Variants in TAF6L observed in about 807,000 individuals in gnomAD.
The protein encoded by TAF6L is TATA-box binding protein associated factor 6 like, also known as TAF6-like RNA polymerase II p300/CBP-associated factor-associated factor 65 kDa subunit 6L.
TAF6L carries 34 observed loss-of-function variants against 57.3 expected under a neutral mutation model. That is an observed-to-expected ratio of 0.59 (90% CI 0.45 to 0.79). The LOEUF is 0.79. Among genes scored for constraint, TAF6L ranks in the 30% least tolerant of loss-of-function variants. The probability of loss-of-function intolerance (pLI) is 0.00; values close to 1 mark genes in which losing one functional copy is unlikely to be tolerated. For missense variants in TAF6L, 782 were observed against 853.2 expected (o/e 0.92, Z 1.04); for synonymous variants, 417 against 376.3 (o/e 1.11, Z -1.25).
intron 8 of TAF6L, 133 bp from the exon 9 acceptor site, chr11:62,782,560 C>A: frequency 7.4e-7 from 1 of 1,357,026 alleles, no homozygotes; most frequent in Non-Finnish European, 1.0e-6. Flanking sequence ...CCAGTCACCC[C>A]TGGCAGCCTT....
intron 6 of TAF6L, among the ~76,000 whole-genome samples, chr11:62,779,385 C>T (rs1357788647): frequency 6.6e-6 from 1 of 151,916 alleles, no homozygotes; most frequent in Non-Finnish European, 1.5e-5. Flanking sequence ...TTAGTAGAGA[C>T]GGGGTTTCAC....
In TAF6L at chr11:62,786,253, C is replaced by T. The variant is rs771164669; in HGVS notation, c.961-7C>T. 3 of 1,609,222 alleles carry T rather than the reference C, an allele frequency of 1.9e-6. No homozygotes were observed. The highest frequency in any genetic ancestry group is 3.3e-5 in the Admixed American group (2 of 59,906). ...CATGCTAACTGTATTCCTTCTCTTC[C>T]TTCCAGGCAGTAGAACGAGTCCTGT... On this transcript the variant is annotated splice_region_variant and splice_polypyrimidine_tract_variant and intron_variant, in intron 9 of 10. Transcript: ENST00000294168.
chr11:62,787,046 G>T lies in TAF6L; in HGVS notation c.1619G>T (p.Gly540Val). ...ARGAPRQQGP[G>V]TGTRDVFQKS... Reference sequence around the variant, plus strand: ...GGGGCACCCCGGCAGCAGGGCCCCGGGACCGGCACCCGCGACGTTTTCCAG... The same window carrying T: ...GGGGCACCCCGGCAGCAGGGCCCCGTGACCGGCACCCGCGACGTTTTCCAG... The change falls in exon 11 of 11, where the codon GGG (glycine) becomes GTG (valine). Residue 540 changes from glycine to valine, a missense_variant. Transcript: ENST00000294168. The T allele has an allele frequency of 6.6e-7, 1 of 1,521,528 alleles. No homozygotes were observed. Among genetic ancestry groups the T allele is most frequent in the South Asian group, 1.2e-5 (1 of 82,476 alleles). The allele number at this position is 1,521,528 out of a possible 1,614,324, so 94.3% of individuals were successfully genotyped here. A position where few individuals can be genotyped will look rare whatever the true frequency, so the allele number is the denominator to read the frequency against.
intron 6 of TAF6L, among the ~76,000 whole-genome samples, chr11:62,779,968 A>AT (rs1341684851): frequency 9.3e-4 from 62 of 66,632 alleles, no homozygotes; most frequent in African/African-American, 2.7e-3. Context: ...ATATATATAT[A>AT]TATATATATT....
chr11:62,781,418 A>G (rs1350420520), intron 6 of TAF6L, among the ~76,000 whole-genome samples: 1 of 152,106 alleles, frequency 6.6e-6, no homozygotes, highest in East Asian at 1.9e-4. Flanking sequence ...TCACGCCTGT[A>G]ATCCCAGCAC....
Position 62,779,952 on chromosome 11 carries a change from C to CTACATATATATATATA in TAF6L, c.531+991_531+992insCATATATATATATATA, listed in dbSNP as rs1554996873. On this transcript the variant is annotated intron_variant, in intron 6 of 10. Coordinates refer to ENST00000294168, the MANE Select transcript of TAF6L (RefSeq NM_006473.4). ...AAGTGGTGGGATTACAGGCGTGAGCCTATATATATATATATATATATATAT... is the reference window on the plus strand; with the variant it reads ...AAGTGGTGGGATTACAGGCGTGAGCCTACATATATATATATATATATATATATATATATATATATAT... 6.0e-4 allele frequency among the ~76,000 whole-genome samples: 60 copies of CTACATATATATATATA among 99,992 alleles called. 3 individuals are homozygous for CTACATATATATATATA. Among genetic ancestry groups the CTACATATATATATATA allele is most frequent in the African/African-American group, 1.3e-3 (30 of 22,430 alleles). The allele number at this position is 99,992 out of a possible 152,430, so 65.6% of individuals were successfully genotyped here.
chr11:62,786,430 T>C (rs968416362), intron 10 of TAF6L, 42 bp downstream of exon 10: 7 of 1,602,074 alleles, frequency 4.4e-6, no homozygotes, highest in Non-Finnish European at 6.0e-6. Flanking sequence ...CTGCATGAGC[T>C]TAGCAGCCAA....
chr11:62,779,513 C>T (rs959013730), intron 6 of TAF6L, among the ~76,000 whole-genome samples: 3 of 151,502 alleles, frequency 2.0e-5, no homozygotes, highest in Admixed American at 6.6e-5. Flanking sequence ...TTAATAGAGA[C>T]GGGGGTTTCA....
chr11:62,778,802 G>A (rs528221679), intron 5 of TAF6L, 67 bp from the exon 6 acceptor site: 2 of 1,334,522 alleles, frequency 1.5e-6, no homozygotes, highest in East Asian at 4.6e-5. Flanking sequence ...TGAGGGGGAG[G>A]AGGCTGGAGA....
intron 1 of TAF6L, chr11:62,772,156 A>G (rs1470479893): frequency 8.8e-6 from 4 of 456,130 alleles, no homozygotes; most frequent in East Asian, 6.9e-5. Flanking sequence ...GAAATACATA[A>G]TAATATCTTA....
At chr11:62,780,645 A>G (rs2084221794) in intron 6 of TAF6L, among the ~76,000 whole-genome samples, 1 of 152,032 alleles carries the variant, frequency 6.6e-6, no homozygotes, top group Non-Finnish European at 1.5e-5. Context: ...AGAAAAAGAA[A>G]GTGGCTGGGT....
intron 6 of TAF6L, among the ~76,000 whole-genome samples, chr11:62,779,539 T>G (rs1207408349): frequency 2.0e-5 from 3 of 152,058 alleles, no homozygotes. Flanking sequence ...TTGGTCAGAC[T>G]GGTCTCGAAC....
rs569054876 is a variant in TAF6L, at chr11:62,782,970, C to A, written c.960+145C>A. Reference sequence around the variant, plus strand: ...TGGCCTTAGGCCAGGCTCAGTGATACTTGACTTTCTGAATGTAAATGTCTT... The same window carrying A: ...TGGCCTTAGGCCAGGCTCAGTGATAATTGACTTTCTGAATGTAAATGTCTT... On this transcript the variant is annotated intron_variant, in intron 9 of 10. Transcript: ENST00000294168. 4.2e-4 allele frequency: 515 copies of A among 1,233,132 alleles called. 2 individuals are homozygous for A. Among genetic ancestry groups the A allele is most frequent in the Middle Eastern group, 1.3e-3 (5 of 3,998 alleles). The allele number at this position is 1,233,132 out of a possible 1,614,324, so 76.4% of individuals were successfully genotyped here. A position where few individuals can be genotyped will look rare whatever the true frequency, so the allele number is the denominator to read the frequency against.
chr11:62,780,385 C>T lies in TAF6L; in HGVS notation c.531+1422C>T, dbSNP rs576616366. Reference sequence around the variant, plus strand: ...AATTAGTCACGTGTGGTGGTGGACGCCTGTAATCCCAGCTACTCAGGAGGC... The same window carrying T: ...AATTAGTCACGTGTGGTGGTGGACGTCTGTAATCCCAGCTACTCAGGAGGC... On this transcript the variant is annotated intron_variant, in intron 6 of 10. Transcript: ENST00000294168. Among the ~76,000 whole-genome samples the T allele has an allele frequency of 1.6e-4, 24 of 151,916 alleles. No homozygotes were observed. The South Asian group carries it at 2.1e-3, about 13-fold the overall frequency.
chr11:62,774,787 A>G lies in TAF6L; in HGVS notation c.-13-984A>G, dbSNP rs138365203. 5.4e-5 allele frequency: 19 copies of G among 350,948 alleles called. No homozygotes were observed. In the East Asian group the frequency reaches 1.7e-3, roughly 31 times the overall value. The allele number at this position is 350,948 out of a possible 1,614,324, so 21.7% of individuals were successfully genotyped here. ...AACATGGCGAAATCTTGTTTCTACT[A>G]AAAATACAAAAATTAGCTGGGCGTG... On this transcript the variant is annotated intron_variant, in intron 1 of 10. Coordinates refer to ENST00000294168, the MANE Select transcript of TAF6L (RefSeq NM_006473.4).
intron 2 of TAF6L, 60 bp downstream of exon 2, chr11:62,775,990 C>A (rs1481690163): frequency 6.5e-7 from 1 of 1,542,026 alleles, no homozygotes; most frequent in East Asian, 2.3e-5. Context: ...TTTTACTAAC[C>A]TCCACCCTCG....
chr11:62,773,497 G>A (rs1360200755), intron 1 of TAF6L, among the ~76,000 whole-genome samples: 1 of 149,916 alleles, frequency 6.7e-6, no homozygotes, highest in Non-Finnish European at 1.5e-5. Context: ...ACCCAGAATG[G>A]AGTGCACTGG....
intron 9 of TAF6L, 178 bp from the exon 10 acceptor site, chr11:62,786,082 A>G: frequency 1.4e-6 from 1 of 699,130 alleles, no homozygotes; most frequent in Non-Finnish European, 2.4e-6. Flanking sequence ...CCCAATGCCT[A>G]GCTTAGGTAT....
rs2084287879 is a variant in TAF6L at position 62,787,071 on chromosome 11, G to C, written c.1644G>C (p.Gln548His). Residue 548 changes from glutamine to histidine, a missense_variant, in exon 11 of 11, where the codon CAG becomes CAC. Coordinates refer to ENST00000294168, the MANE Select transcript of TAF6L (RefSeq NM_006473.4). ...GPGTGTRDVF[Q>H]KSRFAPRGAP... The stretch of plus-strand genomic sequence containing the variant: ...GGACCGGCACCCGCGACGTTTTCCA[G>C]AAGAGCCGTTTCGCCCCGCGCGGCG... 1 of 1,530,644 alleles carries C rather than the reference G, an allele frequency of 6.5e-7. No homozygotes were observed. Among genetic ancestry groups the C allele is most frequent in the East Asian group, 2.5e-5 (1 of 39,650 alleles). The allele number at this position is 1,530,644 out of a possible 1,614,324, so 94.8% of individuals were successfully genotyped here. A position where few individuals can be genotyped will look rare whatever the true frequency, so the allele number is the denominator to read the frequency against.
Sources: gnomAD v4.1 joint callset for allele counts (sites outside exome capture counted in the v4.1 genomes callset) on GRCh38, gnomAD v4.1.1 for gene constraint, MANE v1.5 for transcripts, NCBI Gene and HGNC (gene_info 2026-07-23, HGNC 2026-07-21) for gene names.